CENPK: variants seen among roughly 807,000 people sequenced by gnomAD.
The protein encoded by CENPK is centromere protein K.
A neutral mutation model predicts 40.9 loss-of-function variants in CENPK; 46 were observed. The ratio of observed to expected loss-of-function variants is 1.13; its 90% CI spans 0.89 to 1.44. The LOEUF is 1.44. CENPK is among the 40% of genes most tolerant of loss of function. The pLI, the probability that CENPK is intolerant of heterozygous loss-of-function variation, is 0.00. For missense variants in CENPK, 288 were observed against 303.5 expected (o/e 0.95, Z 0.38); for synonymous variants, 107 against 104.4 (o/e 1.02, Z -0.15).
chr5:65,518,594 A>G lies in CENPK; in HGVS notation c.691T>C (p.Tyr231His). Residue 231 changes from tyrosine (Y) to histidine (H), a missense_variant, in exon 11 of 11, where the codon TAT becomes CAT. By Grantham distance (83) the Tyr-to-His change is moderately conservative. Transcript: ENST00000396679. Reference protein sequence around the residue: ...NRLFDVPHDPYVKISDSFWPP... With the variant: ...NRLFDVPHDPHVKISDSFWPP... ...CAAAAGGAATCACTAATTTTGACATATGGATCATGTGGAACATCAAATAAT... is the reference window on the plus strand; with the variant it reads ...CAAAAGGAATCACTAATTTTGACATGTGGATCATGTGGAACATCAAATAAT... The G allele has an allele frequency of 6.3e-7, 1 of 1,598,502 alleles. No homozygotes were observed. Among genetic ancestry groups the G allele is most frequent in the South Asian group, 1.1e-5 (1 of 90,342 alleles).
chr5:65,545,372 ACACACACACG>A (rs1748738726), intron 5 of CENPK, among the ~76,000 whole-genome samples: 1 of 123,696 alleles, frequency 8.1e-6, no homozygotes, highest in Non-Finnish European at 1.8e-5. Flanking sequence ...ACACACACAC[ACACACACACG>A]CCTTCTCTAT....
rs779227890 is a variant in CENPK, at chr5:65,552,524, CCAA to C, written c.134_136del (p.Ile45_Gly46delinsArg). 87 of 1,550,996 alleles carry C rather than the reference CCAA, an allele frequency of 5.6e-5. 1 individual carries two copies. The South Asian group carries it at 9.8e-4, about 18-fold the overall frequency. ...ATTTGAATCGGTGAGTGTTTCAGTT[CCAA>C]TAAGTGATAATTTATTCTGACACTT... On this transcript the variant is annotated inframe_deletion, in exon 4 of 11. Coordinates refer to ENST00000396679, the MANE Select transcript of CENPK (RefSeq NM_022145.5).
At chr5:65,556,115 C>T (rs1750935933) in intron 2 of CENPK, among the ~76,000 whole-genome samples, 1 of 152,054 alleles carries the variant, frequency 6.6e-6, no homozygotes, top group Non-Finnish European at 1.5e-5. Flanking sequence ...GTGTTTGTGT[C>T]TTCGTTCTTA....
At chr5:65,543,069 T>C (rs1468074346) in intron 5 of CENPK, among the ~76,000 whole-genome samples, 1 of 152,152 alleles carries the variant, frequency 6.6e-6, no homozygotes, top group Non-Finnish European at 1.5e-5. Context: ...GTTCAAACAA[T>C]TCTCGTGCTT....
intron 6 of CENPK, among the ~76,000 whole-genome samples, chr5:65,538,128 T>A (rs1244413258): frequency 6.6e-6 from 1 of 152,050 alleles, no homozygotes; most frequent in Admixed American, 6.5e-5. Flanking sequence ...TGGTCCTTTT[T>A]AAAAAAAATG....
chr5:65,501,015 C>T, the CENPK span, among the ~76,000 whole-genome samples: 1 of 151,798 alleles, frequency 6.6e-6, no homozygotes, highest in Non-Finnish European at 1.5e-5. Context: ...TTCCTCTTGT[C>T]CTCTTCATGT....
intron 6 of CENPK, 83 bp downstream of exon 6, chr5:65,542,719 C>T: frequency 1.0e-6 from 1 of 973,102 alleles, no homozygotes; most frequent in Non-Finnish European, 1.6e-6. Context: ...TGGTTTTATC[C>T]TATTTCTTAT....
chr5:65,537,194 G>A (rs1397802766), intron 6 of CENPK, among the ~76,000 whole-genome samples: 1 of 152,238 alleles, frequency 6.6e-6, no homozygotes, highest in African/African-American at 2.4e-5. Context: ...AAAGGCACAT[G>A]GGAGAAGCTT....
At chr5:65,550,294 CA>C (rs1749745820) in intron 5 of CENPK, among the ~76,000 whole-genome samples, 1 of 151,904 alleles carries the variant, frequency 6.6e-6, no homozygotes, top group Non-Finnish European at 1.5e-5. Flanking sequence ...GAAACTTAAT[CA>C]TTTCTAGCTT....
intron 2 of CENPK, 57 bp from the exon 3 acceptor site, chr5:65,555,003 C>T: frequency 2.6e-6 from 2 of 766,014 alleles, no homozygotes; most frequent in Non-Finnish European, 4.6e-6. Context: ...TATTACCTGC[C>T]AGATACTCAT....
intron 5 of CENPK, among the ~76,000 whole-genome samples, chr5:65,545,852 GC>G (rs1259997887): frequency 1.3e-5 from 2 of 152,050 alleles, no homozygotes; most frequent in East Asian, 3.9e-4. Context: ...ACTCCTATCT[GC>G]AGAAACTGGG....
chr5:65,518,266 C>T lies in CENPK; in HGVS notation c.*209G>A, dbSNP rs1431598611. 2 of 491,246 alleles carry T rather than the reference C, an allele frequency of 4.1e-6. No homozygotes were observed. Among genetic ancestry groups the T allele is most frequent in the East Asian group, 3.7e-5 (1 of 27,360 alleles). 30.4% of individuals were successfully genotyped at this position (491,246 alleles called of 1,614,324 possible). A position where few individuals can be genotyped will look rare whatever the true frequency, so the allele number is the denominator to read the frequency against. On this transcript the variant is annotated 3_prime_UTR_variant, in exon 11 of 11. Coordinates refer to ENST00000396679, the MANE Select transcript of CENPK (RefSeq NM_022145.5). Reference sequence around the variant, plus strand: ...AATATTATCTACCTGCATTCTTATCCATATAGTTTAAAACACTAAAGCACT... The same window carrying T: ...AATATTATCTACCTGCATTCTTATCTATATAGTTTAAAACACTAAAGCACT...
At chr5:65,512,706 G>C in the CENPK span, among the ~76,000 whole-genome samples, 4 of 152,164 alleles carry the variant, frequency 2.6e-5, no homozygotes, top group Non-Finnish European at 5.9e-5. Context: ...TGTAGTATTT[G>C]TTTTATTGCA....
rs1039250611 is a variant in CENPK at position 65,517,937 on chromosome 5, C to G, written c.*538G>C. On this transcript the variant is annotated 3_prime_UTR_variant, in exon 11 of 11. Coordinates refer to ENST00000396679, the MANE Select transcript of CENPK (RefSeq NM_022145.5). ...AATATCAATTTTATGCTAGCTTTATCCATTAGTTTTTCATATTCCAATTTT... is the reference window on the plus strand; with the variant it reads ...AATATCAATTTTATGCTAGCTTTATGCATTAGTTTTTCATATTCCAATTTT... 1 of 151,898 alleles carries G rather than the reference C, an allele frequency of 6.6e-6. No homozygotes were observed. The highest frequency in any genetic ancestry group is 2.4e-5 in the African/African-American group (1 of 41,394). 9.4% of individuals were successfully genotyped at this position (151,898 alleles called of 1,614,324 possible).
intron 9 of CENPK, among the ~76,000 whole-genome samples, chr5:65,522,733 A>G (rs1744013694): frequency 6.6e-6 from 1 of 152,078 alleles, no homozygotes. Flanking sequence ...CCCCACCTCA[A>G]TTACTTTTCA....
chr5:65,560,482 CAT>C (rs1291514997), intron 2 of CENPK, among the ~76,000 whole-genome samples: 1 of 151,890 alleles, frequency 6.6e-6, no homozygotes. Flanking sequence ...GTGTTCACCT[CAT>C]AATAATTAGT....
chr5:65,524,300 G>T (rs1000884162), intron 9 of CENPK, among the ~76,000 whole-genome samples: 1 of 151,030 alleles, frequency 6.6e-6, no homozygotes, highest in Non-Finnish European at 1.5e-5. Flanking sequence ...CAGCAGAATC[G>T]TGTGAACCCG....
Position 65,518,448 on chromosome 5 carries a change from T to C in CENPK, c.*27A>G, listed in dbSNP as rs765169647. 2.5e-6 allele frequency: 4 copies of C among 1,593,700 alleles called. No homozygotes were observed. The highest frequency in any genetic ancestry group is 2.6e-6 in the Non-Finnish European group (3 of 1,172,958). Reference sequence around the variant, plus strand: ...AATATCCTTGAATGATAAGAATTTTTACTGTGTGAAAAAAGAAAACATCCT... The same window carrying C: ...AATATCCTTGAATGATAAGAATTTTCACTGTGTGAAAAAAGAAAACATCCT... On this transcript the variant is annotated 3_prime_UTR_variant, in exon 11 of 11. Coordinates refer to ENST00000396679, the MANE Select transcript of CENPK (RefSeq NM_022145.5).
intron 1 of CENPK, among the ~76,000 whole-genome samples, chr5:65,562,085 G>A (rs1291661662): frequency 1.3e-5 from 2 of 152,134 alleles, no homozygotes; most frequent in East Asian, 1.9e-4. Context: ...GGATAGGGAA[G>A]CTTAGAAAAA....
Sources: allele counts gnomAD v4.1 joint callset (sites outside exome capture counted in the v4.1 genomes callset), GRCh38; gene constraint gnomAD v4.1.1; transcripts MANE v1.5; gene names NCBI Gene and HGNC (gene_info 2026-07-23, HGNC 2026-07-21).